The following DIAPH1 variants were observed in gnomAD, a reference collection of about 807,000 sequenced individuals.
DIAPH1 encodes the protein protein diaphanous homolog 1.
In DIAPH1, 46 loss-of-function variants were observed where a neutral mutation model predicts 140.7. That is an observed-to-expected ratio of 0.33 (90% confidence interval 0.26 to 0.42). The LOEUF is 0.42. Among genes scored for constraint, DIAPH1 ranks in the 10% least tolerant of loss-of-function variants. DIAPH1 has a pLI of 1.00. For synonymous variants in DIAPH1, 565 were observed against 551.6 expected, an observed-to-expected ratio of 1.02 and a Z score of -0.34; for missense variants, 1,310 against 1,558.7, an observed-to-expected ratio of 0.84 and a Z score of 2.69.
intron 1 of DIAPH1, among the ~76,000 whole-genome samples, chr5:141,591,354 T>C (rs374357937): frequency 1.3e-5 from 2 of 152,100 alleles, no homozygotes; most frequent in East Asian, 3.9e-4. Context: ...CCTCTACCCA[T>C]TTCCAGACTA....
chr5:141,614,961 GAAC>G (rs1418798366), intron 1 of DIAPH1, among the ~76,000 whole-genome samples: 2 of 152,076 alleles, frequency 1.3e-5, no homozygotes, highest in Non-Finnish European at 2.9e-5. Context: ...AAATCTGCAC[GAAC>G]AACTCCACTT....
chr5:141,529,740 T>C lies in DIAPH1; in HGVS notation c.2582-43A>G, dbSNP rs764489382. On this transcript the variant is annotated intron_variant, in intron 19 of 27. Coordinates refer to ENST00000389054, the MANE Select transcript of DIAPH1 (RefSeq NM_005219.5). ...ATTAAGACATGTTCTTCTCGGTCTG[T>C]TCCCGCTTCCAACCCATCCTGCAAA... is the stretch of plus-strand genomic sequence containing the variant. The C allele has an allele frequency of 1.9e-6, 3 of 1,552,756 alleles. No individual in the cohort carries two copies. In the East Asian group the frequency reaches 6.7e-5, roughly 35 times the overall value.
chr5:141,556,325 A>G (rs1358432419), intron 18 of DIAPH1, among the ~76,000 whole-genome samples: 2 of 152,198 alleles, frequency 1.3e-5, no homozygotes, highest in Non-Finnish European at 2.9e-5. Context: ...TATTCGGGAA[A>G]AAAAAAGCTG....
At chr5:141,519,448 G>A (rs1395682997) in intron 27 of DIAPH1, among the ~76,000 whole-genome samples, 1 of 152,158 alleles carries the variant, frequency 6.6e-6, no homozygotes, top group African/African-American at 2.4e-5. Flanking sequence ...CAGACCTTGG[G>A]AAAAGAACAC....
At chr5:141,588,280 AAGAAG>A (rs775548900) in intron 1 of DIAPH1, 30 bp from the exon 2 acceptor site, 17 of 1,590,176 alleles carry the variant, frequency 1.1e-5, no homozygotes, top group East Asian at 8.9e-5. Context: ...AGGGAGAAGA[AAGAAG>A]AGAAATCAGT....
chr5:141,595,594 C>T (rs1228988259), intron 1 of DIAPH1, among the ~76,000 whole-genome samples: 2 of 152,150 alleles, frequency 1.3e-5, no homozygotes, highest in Non-Finnish European at 2.9e-5. Context: ...GCATTTCCCC[C>T]GCTTGCACTC....
intron 18 of DIAPH1, among the ~76,000 whole-genome samples, chr5:141,545,634 C>A (rs1017645684): frequency 7.9e-5 from 12 of 152,044 alleles, no homozygotes; most frequent in Admixed American, 5.9e-4. Context: ...CAGAATGAGA[C>A]CCTGTCTCAG....
Position 141,583,594 on chromosome 5 carries a change from A to G in DIAPH1, c.424T>C (p.Ser142Pro). 6.2e-7 allele frequency: 1 copy of G among 1,614,258 alleles called. No homozygotes were observed. Among genetic ancestry groups the G allele is most frequent in the Non-Finnish European group, 8.5e-7 (1 of 1,180,042 alleles). The stretch of plus-strand genomic sequence containing the variant: ...TGAATATACATCATGGCAGACTTAG[A>G]GCTCTCCTTCTGGCTCATGCCCTAG... ...SKAGMSQKES[S>P]KSAMMYIQEL... The change falls in exon 5 of 28, where the codon TCT becomes CCT. Residue 142 changes from serine (S) to proline (P), a missense_variant. This residue lies in a region of DIAPH1 where 377 missense variants were observed against 497.1 expected (regional missense o/e 0.76). Transcript: ENST00000389054.
At chr5:141,568,660 C>T (rs546593351) in intron 18 of DIAPH1, among the ~76,000 whole-genome samples, 1 of 152,178 alleles carries the variant, frequency 6.6e-6, no homozygotes, top group Non-Finnish European at 1.5e-5. Flanking sequence ...AGACTTTTCA[C>T]TACAGGAGGC....
intron 18 of DIAPH1, chr5:141,564,189 A>G (rs983085187): frequency 6.6e-6 from 1 of 152,238 alleles, no homozygotes; most frequent in Non-Finnish European, 1.5e-5. Context: ...TAGCTGCAAC[A>G]GGACAAGATC....
intron 10 of DIAPH1, 31 bp downstream of exon 10, chr5:141,578,484 C>A: frequency 3.8e-6 from 6 of 1,580,604 alleles, no homozygotes; most frequent in Non-Finnish European, 4.3e-6. Context: ...AGGAACCAGT[C>A]TAGCCTTTCT....
chr5:141,596,519 G>A (rs2099899349), intron 1 of DIAPH1, among the ~76,000 whole-genome samples: 2 of 151,850 alleles, frequency 1.3e-5, no homozygotes, highest in African/African-American at 4.8e-5. Flanking sequence ...AAAATTTAGC[G>A]TCTCAGTTGA....
intron 27 of DIAPH1, among the ~76,000 whole-genome samples, chr5:141,521,474 T>C (rs2099886530): frequency 6.6e-6 from 1 of 152,224 alleles, no homozygotes; most frequent in Non-Finnish European, 1.5e-5. Context: ...GGAGTTTACA[T>C]GTTGCTTTTA....
At position 141,543,984 on chromosome 5, in the gene DIAPH1, G is replaced by A. The variant is rs937555993; in HGVS notation, c.2483-9551C>T. Reference sequence around the variant, plus strand: ...CAGGGGAAAATCTTCACAGCTTTGAGGTGGTAATAATTTCTCAGGTAAGAC... The same window carrying A: ...CAGGGGAAAATCTTCACAGCTTTGAAGTGGTAATAATTTCTCAGGTAAGAC... On this transcript the variant is annotated intron_variant, in intron 18 of 27. Coordinates refer to ENST00000389054, the MANE Select transcript of DIAPH1 (RefSeq NM_005219.5). Among the ~76,000 whole-genome samples the A allele has an allele frequency of 2.0e-5, 3 of 152,270 alleles. No individual in the cohort carries two copies. The East Asian group carries it at 5.8e-4, about 29-fold the overall frequency.
chr5:141,573,405 A>G (rs2099895487), intron 16 of DIAPH1, 87 bp downstream of exon 16: 7 of 1,524,056 alleles, frequency 4.6e-6, no homozygotes, highest in Middle Eastern at 2.4e-4. Flanking sequence ...ACTGCACTCC[A>G]GCCTGGGCGA....
At chr5:141,562,618 AACAAAC>A (rs1451865779) in intron 18 of DIAPH1, among the ~76,000 whole-genome samples, 1 of 125,656 alleles carries the variant, frequency 8.0e-6, no homozygotes, top group East Asian at 2.3e-4. Context: ...AAAAAAAAAA[AACAAAC>A]AAAAAAAAAC....
In DIAPH1 at chr5:141,586,831, G is replaced by A. The variant is rs1293021371; in HGVS notation, c.300+211C>T. ...GAAGACCATGAACAAGACAGTGATCGGATGTTTCCAAGCACAGATTCCAAT... is the reference window on the plus strand; with the variant it reads ...GAAGACCATGAACAAGACAGTGATCAGATGTTTCCAAGCACAGATTCCAAT... On this transcript the variant is annotated intron_variant, in intron 3 of 27. Transcript: ENST00000389054. 2.0e-5 allele frequency among the ~76,000 whole-genome samples: 3 copies of A among 152,266 alleles called. No homozygotes were observed. In the East Asian group the frequency reaches 5.8e-4, roughly 29 times the overall value.
At chr5:141,562,554 G>A (rs2099893724) in intron 18 of DIAPH1, among the ~76,000 whole-genome samples, 1 of 150,584 alleles carries the variant, frequency 6.6e-6, no homozygotes, top group African/African-American at 2.4e-5. Context: ...GAATACTAGG[G>A]TGGGAATGAG....
In DIAPH1 at chr5:141,579,003, A is replaced by C. The variant is rs563953814; in HGVS notation, c.933+85T>G. On this transcript the variant is annotated intron_variant, in intron 9 of 27. Transcript: ENST00000389054. The stretch of plus-strand genomic sequence containing the variant: ...AAAATATATAGTTGGGAGGCACTCC[A>C]TGTATTTTATTAAAAGGTCAAATGA... 3.6e-5 allele frequency: 36 copies of C among 990,434 alleles called. No homozygotes were observed. In the East Asian group the frequency reaches 8.1e-4, roughly 22 times the overall value. 61.4% of individuals were successfully genotyped at this position (990,434 alleles called of 1,614,324 possible). A position where few individuals can be genotyped will look rare whatever the true frequency, so the allele number is the denominator to read the frequency against.
Sources: gnomAD v4.1 joint callset for allele counts (sites outside exome capture counted in the v4.1 genomes callset) on GRCh38, gnomAD v4.1.1 for gene constraint, gnomAD v4.1.1 regional missense constraint, MANE v1.5 for transcripts, NCBI Gene and HGNC (gene_info 2026-07-23, HGNC 2026-07-21) for gene names.